The following TCP11L2 variants were observed in gnomAD, a reference collection of about 807,000 sequenced individuals.
The protein encoded by TCP11L2 is T-complex protein 11-like protein 2.
In TCP11L2, 39 loss-of-function variants were observed where a neutral mutation model predicts 50.7. The observed-to-expected ratio is 0.77, with a 90% confidence interval of 0.60 to 1.01. The LOEUF is 1.01. Among genes scored for constraint, TCP11L2 ranks in the 50% least tolerant of loss-of-function variants. The probability of loss-of-function intolerance (pLI) is 0.00; values close to 1 mark genes in which losing one functional copy is unlikely to be tolerated. For missense variants in TCP11L2, 612 were observed against 614.7 expected, an observed-to-expected ratio of 1.00 and a Z score of 0.05; for synonymous variants, 192 against 219.3, an observed-to-expected ratio of 0.88 and a Z score of 1.10.
At chr12:106,341,778 CCA>C (rs1349017162) in intron 9 of TCP11L2, among the ~76,000 whole-genome samples, 9 of 152,176 alleles carry the variant, frequency 5.9e-5, no homozygotes, top group African/African-American at 2.4e-5. Context: ...ATATTTAAGT[CCA>C]GTGAAAAACA....
At chr12:106,316,800 CATATTGGATGTTTA>C (rs1252539075) in intron 3 of TCP11L2, among the ~76,000 whole-genome samples, 1 of 152,292 alleles carries the variant, frequency 6.6e-6, no homozygotes, top group Non-Finnish European at 1.5e-5. Flanking sequence ...GGGCCCTACA[CATATTGGATGTTTA>C]ATAAACATTT....
chr12:106,339,069 T>C (rs2136817892), intron 8 of TCP11L2, among the ~76,000 whole-genome samples: 1 of 152,238 alleles, frequency 6.6e-6, no homozygotes, highest in Admixed American at 6.5e-5. Context: ...CACTTGAACC[T>C]GGGAGGCAGA....
chr12:106,309,418 T>C (rs190868118), intron 1 of TCP11L2, among the ~76,000 whole-genome samples: 16 of 152,058 alleles, frequency 1.1e-4, no homozygotes, highest in Admixed American at 2.6e-4. Context: ...AAGTGGACTC[T>C]AGTGGTTTTC....
intron 9 of TCP11L2, among the ~76,000 whole-genome samples, chr12:106,343,536 C>G (rs1220289126): frequency 1.3e-5 from 2 of 152,070 alleles, no homozygotes; most frequent in African/African-American, 4.8e-5. Context: ...ATCATAATCC[C>G]CAATTCCCAT....
chr12:106,340,249 C>A (rs1299325681), intron 8 of TCP11L2, among the ~76,000 whole-genome samples: 1 of 152,166 alleles, frequency 6.6e-6, no homozygotes, highest in East Asian at 1.9e-4. Flanking sequence ...TCTTTAATTA[C>A]CTTTACAACT....
chr12:106,334,533 A>G (rs188286367), intron 6 of TCP11L2, among the ~76,000 whole-genome samples: 16 of 152,046 alleles, frequency 1.1e-4, no homozygotes, highest in Admixed American at 7.9e-4. Flanking sequence ...GCCCTTATCC[A>G]TTCACTCTCT....
intron 8 of TCP11L2, 75 bp from the exon 9 acceptor site, chr12:106,340,751 C>A: frequency 1.5e-6 from 2 of 1,291,446 alleles, no homozygotes; most frequent in Non-Finnish European, 2.1e-6. Context: ...ACATCTAAAA[C>A]AAGTCTGTAT....
upstream of TCP11L2, among the ~76,000 whole-genome samples, chr12:106,298,685 C>G (rs1192502296): frequency 2.6e-5 from 4 of 151,238 alleles, no homozygotes; most frequent in Non-Finnish European, 5.9e-5. Context: ...CCACGCCCAA[C>G]TAATTTTTTG....
intron 1 of TCP11L2, among the ~76,000 whole-genome samples, chr12:106,308,985 C>G (rs1180064829): frequency 6.6e-6 from 1 of 152,174 alleles, no homozygotes; most frequent in African/African-American, 2.4e-5. Context: ...GTACAAGGAA[C>G]TAAGCGCTGT....
At chr12:106,330,118 A>G (rs2035696541) in intron 6 of TCP11L2, 1 of 985,442 alleles carries the variant, frequency 1.0e-6, no homozygotes, top group Admixed American at 6.1e-5. Flanking sequence ...TTCTAGTGGG[A>G]AACCTTAGAA....
chr12:106,329,353 T>C, intron 6 of TCP11L2: 1 of 1,536,128 alleles, frequency 6.5e-7, no homozygotes, highest in East Asian at 2.4e-5. Flanking sequence ...TGCAGGTGCC[T>C]CATGAGGCTG....
chr12:106,300,620 G>A (rs1213606978), upstream of TCP11L2, among the ~76,000 whole-genome samples: 3 of 152,210 alleles, frequency 2.0e-5, no homozygotes, highest in South Asian at 2.1e-4. Context: ...ATGAGCCACC[G>A]TGCCTGGCCC....
chr12:106,343,545 ATTACAATTC>A (rs2036149399), intron 9 of TCP11L2, among the ~76,000 whole-genome samples: 1 of 152,078 alleles, frequency 6.6e-6, no homozygotes, highest in South Asian at 2.1e-4. Context: ...CCCAATTCCC[ATTACAATTC>A]TTAACCTTTT....
At chr12:106,309,953 G>C (rs2034786456) in intron 1 of TCP11L2, among the ~76,000 whole-genome samples, 2 of 152,136 alleles carry the variant, frequency 1.3e-5, no homozygotes, top group Admixed American at 1.3e-4. Context: ...AAAGGATTCA[G>C]TGAACTCTTC....
intron 6 of TCP11L2, among the ~76,000 whole-genome samples, chr12:106,334,616 T>A (rs983740286): frequency 3.3e-5 from 5 of 152,212 alleles, no homozygotes; most frequent in African/African-American, 9.6e-5. Flanking sequence ...TTTTCTGACA[T>A]ACATATCTGA....
chr12:106,318,704 T>C (rs2465356), intron 4 of TCP11L2, among the ~76,000 whole-genome samples: 87,750 of 151,978 alleles, frequency 0.58, 25,818 homozygotes, highest in East Asian at 0.77. Context: ...AGAAGCTCTT[T>C]AGGGTCTTTT....
At chr12:106,305,677 GC>G (rs2034598988) in intron 1 of TCP11L2, among the ~76,000 whole-genome samples, 1 of 152,206 alleles carries the variant, frequency 6.6e-6, no homozygotes, top group Non-Finnish European at 1.5e-5. Context: ...CTAAGCTCTA[GC>G]TGGCTCATTA....
At chr12:106,302,321 CCCCCGCTCAGCCCCCGCTCA>C (rs1565831830), upstream of TCP11L2, among the ~76,000 whole-genome samples, 5 of 43,132 alleles carry the variant, frequency 1.2e-4, no homozygotes, top group Non-Finnish European at 1.0e-4. Context: ...GCCCCCGCTC[CCCCCGCTCAGCCCCCGCTCA>C]GCCCCCGCTC....
At chr12:106,330,342 C>T (rs931180014) in intron 6 of TCP11L2, 9 of 984,670 alleles carry the variant, frequency 9.1e-6, no homozygotes, top group African/African-American at 8.7e-5. Flanking sequence ...TGGTTCTCAA[C>T]GTGGTTCTCT....
Sources: gnomAD v4.1 joint callset for allele counts (sites outside exome capture counted in the v4.1 genomes callset) on GRCh38, gnomAD v4.1.1 for gene constraint, MANE v1.5 for transcripts, NCBI Gene and HGNC (gene_info 2026-07-23, HGNC 2026-07-21) for gene names.